Variants in RNF169 observed in about 807,000 individuals in gnomAD.
RNF169 encodes the protein ring finger protein 169, also known as E3 ubiquitin-protein ligase RNF169.
A neutral mutation model predicts 53.9 loss-of-function variants in RNF169; 24 were observed. That is an observed-to-expected ratio of 0.45 (90% CI 0.32 to 0.63). The LOEUF (loss-of-function observed/expected upper bound fraction) is 0.63, where lower values mean the gene tolerates loss of function less well. Ranked by LOEUF, RNF169 falls within the 20% of genes least tolerant of loss-of-function variation. RNF169 has a pLI of 0.04. For synonymous variants in RNF169, 396 were observed against 363.5 expected, an observed-to-expected ratio of 1.09 and a Z score of -1.02; for missense variants, 883 against 906.2, an observed-to-expected ratio of 0.97 and a Z score of 0.33.
chr11:74,787,485 G>C (rs574969531), intron 1 of RNF169, among the ~76,000 whole-genome samples: 78 of 152,296 alleles, frequency 5.1e-4, no homozygotes, highest in African/African-American at 1.7e-3. Flanking sequence ...AAAGGTTTCA[G>C]CACTCATGGT....
intron 2 of RNF169, among the ~76,000 whole-genome samples, chr11:74,802,736 T>C (rs994465380): frequency 2.6e-5 from 4 of 152,128 alleles, no homozygotes; most frequent in African/African-American, 7.2e-5. Flanking sequence ...CACTAAAAAA[T>C]TGCCTAACAT....
intron 1 of RNF169, among the ~76,000 whole-genome samples, chr11:74,771,744 A>G (rs1342112663): frequency 2.6e-5 from 4 of 152,132 alleles, no homozygotes; most frequent in African/African-American, 9.7e-5. Context: ...CAGGCTGTGT[A>G]TATAAGGTAT....
At chr11:74,813,021 C>T (rs968066607) in intron 3 of RNF169, among the ~76,000 whole-genome samples, 5 of 152,184 alleles carry the variant, frequency 3.3e-5, no homozygotes, top group African/African-American at 1.2e-4. Context: ...GAAATGCCAT[C>T]CAGCTTACCT....
intron 4 of RNF169, among the ~76,000 whole-genome samples, chr11:74,828,548 A>G (rs897868119): frequency 1.3e-5 from 2 of 152,222 alleles, no homozygotes; most frequent in African/African-American, 4.8e-5. Context: ...GACAATTCTA[A>G]GCAAAAAGAA....
rs1024894446 is a variant in RNF169 at position 74,802,721 on chromosome 11, C to G, written c.577-7463C>G. 3.3e-5 allele frequency among the ~76,000 whole-genome samples: 5 copies of G among 152,140 alleles called. No individual in the cohort carries two copies. In the South Asian group the frequency reaches 1.0e-3, roughly 32 times the overall value. ...TGTCATTTTTGGTCAAGACTATAGT[C>G]TCAGCACTAAAAAATTGCCTAACAT... On this transcript the variant is annotated intron_variant, in intron 2 of 5. Coordinates refer to ENST00000299563, the MANE Select transcript of RNF169 (RefSeq NM_001098638.2).
Position 74,836,899 on chromosome 11 carries a change from G to A in RNF169, c.*169G>A, listed in dbSNP as rs929614327. 3.7e-5 allele frequency: 22 copies of A among 595,056 alleles called. No individual in the cohort carries two copies. Among genetic ancestry groups the A allele is most frequent in the South Asian group, 6.6e-5 (3 of 45,140 alleles). The allele number at this position is 595,056 out of a possible 1,614,324, so 36.9% of individuals were successfully genotyped here. A position where few individuals can be genotyped will look rare whatever the true frequency, so the allele number is the denominator to read the frequency against. On this transcript the variant is annotated 3_prime_UTR_variant, in exon 6 of 6. Coordinates refer to ENST00000299563, the MANE Select transcript of RNF169 (RefSeq NM_001098638.2). ...CAATATCCAAGGGAAAAGCATCTCC[G>A]TTTCTCTGTGACCCAGGCCAGAAGC...
rs747686347 is a variant in RNF169 at position 74,835,615 on chromosome 11, G to A, written c.1012G>A (p.Val338Ile). The A allele has an allele frequency of 1.7e-5, 28 of 1,613,994 alleles. No individual in the cohort carries two copies. Among genetic ancestry groups the A allele is most frequent in the East Asian group, 1.3e-4 (6 of 44,882 alleles). Residue 338 changes from valine (V) to isoleucine (I), a missense_variant, in exon 6 of 6, where the codon GTC (valine) becomes ATC (isoleucine). Around this residue, in one of 3 missense-constraint regions of RNF169, gnomAD observed 219 missense variants for 289.1 expected, o/e 0.76. Coordinates refer to ENST00000299563, the MANE Select transcript of RNF169 (RefSeq NM_001098638.2). Reference sequence around the variant, plus strand: ...CTTGTCAACTCAAAACAACCGCTGCGTCTCGGCCCCTGACTTAACCATCGA... The same window carrying A: ...CTTGTCAACTCAAAACAACCGCTGCATCTCGGCCCCTGACTTAACCATCGA... Reference protein sequence around the residue: ...VLLSTQNNRCVSAPDLTIEKR... With the variant: ...VLLSTQNNRCISAPDLTIEKR...
At chr11:74,795,185 G>A (rs987599079) in intron 2 of RNF169, among the ~76,000 whole-genome samples, 2 of 151,180 alleles carry the variant, frequency 1.3e-5, no homozygotes, top group Non-Finnish European at 2.9e-5. Flanking sequence ...TTTTTGGGTG[G>A]GGGGGTGGTG....
At chr11:74,822,516 G>C (rs1373229251) in intron 4 of RNF169, among the ~76,000 whole-genome samples, 1 of 152,200 alleles carries the variant, frequency 6.6e-6, no homozygotes, top group Non-Finnish European at 1.5e-5. Flanking sequence ...GATAGACAGA[G>C]CTTTCCTAGA....
intron 2 of RNF169, among the ~76,000 whole-genome samples, chr11:74,794,163 G>A (rs2035615830): frequency 6.6e-6 from 1 of 152,190 alleles, no homozygotes; most frequent in Admixed American, 6.5e-5. Flanking sequence ...AGGAGAAAAT[G>A]GATATTGGAT....
intron 1 of RNF169, among the ~76,000 whole-genome samples, chr11:74,764,980 G>A (rs1161318012): frequency 1.3e-5 from 2 of 152,182 alleles, no homozygotes; most frequent in African/African-American, 2.4e-5. Context: ...GGGAGGCCGA[G>A]GTGGGAGGAT....
intron 4 of RNF169, among the ~76,000 whole-genome samples, chr11:74,829,479 A>C (rs1162918105): frequency 6.6e-6 from 1 of 152,202 alleles, no homozygotes; most frequent in East Asian, 1.9e-4. Context: ...TGACCCAGCA[A>C]TCTCATTACT....
intron 1 of RNF169, among the ~76,000 whole-genome samples, chr11:74,773,260 A>C (rs148885934): frequency 5.3e-5 from 8 of 152,074 alleles, no homozygotes; most frequent in Non-Finnish European, 1.0e-4. Flanking sequence ...TTGTGCGATA[A>C]ATGACTTTAT....
chr11:74,792,136 T>C (rs745406740), intron 2 of RNF169, among the ~76,000 whole-genome samples: 1 of 152,260 alleles, frequency 6.6e-6, no homozygotes, highest in Non-Finnish European at 1.5e-5. Flanking sequence ...GCTTCATTTA[T>C]ATTGGCATTG....
intron 1 of RNF169, among the ~76,000 whole-genome samples, chr11:74,751,054 A>G (rs1184036249): frequency 6.6e-6 from 1 of 151,844 alleles, no homozygotes; most frequent in East Asian, 1.9e-4. Context: ...TAATTTTAGT[A>G]GAGACGGGGT....
At chr11:74,831,738 G>C (rs1047076649) in intron 4 of RNF169, 4 of 150,224 alleles carry the variant, frequency 2.7e-5, no homozygotes, top group Non-Finnish European at 4.4e-5. Context: ...CACAACTCCT[G>C]ATTTCAAAAC....
chr11:74,804,324 C>T (rs61251011), intron 2 of RNF169, among the ~76,000 whole-genome samples: 2 of 152,090 alleles, frequency 1.3e-5, no homozygotes, highest in East Asian at 1.9e-4. Context: ...GGTTAGGAAA[C>T]GAGTGAATAA....
At chr11:74,775,004 G>A (rs759052838) in intron 1 of RNF169, among the ~76,000 whole-genome samples, 1 of 152,138 alleles carries the variant, frequency 6.6e-6, no homozygotes, top group African/African-American at 2.4e-5. Flanking sequence ...AGCAGAAACA[G>A]TGAATATAAC....
chr11:74,822,608 A>T (rs1247344738), intron 4 of RNF169, among the ~76,000 whole-genome samples: 1 of 152,202 alleles, frequency 6.6e-6, no homozygotes. Flanking sequence ...TTAGAACTAT[A>T]CTGTAGGTTT....
Sources: gnomAD v4.1 joint callset for allele counts (sites outside exome capture counted in the v4.1 genomes callset) on GRCh38, gnomAD v4.1.1 for gene constraint, gnomAD v4.1.1 regional missense constraint, MANE v1.5 for transcripts, NCBI Gene and HGNC (gene_info 2026-07-23, HGNC 2026-07-21) for gene names.